Variants in LAMA2 observed in about 807,000 individuals in gnomAD.
The protein encoded by LAMA2 is laminin subunit alpha-2.
In LAMA2, 269 loss-of-function variants were observed where a neutral mutation model predicts 364.8. That is an observed-to-expected ratio of 0.74 (90% CI 0.67 to 0.82). The LOEUF (loss-of-function observed/expected upper bound fraction) is 0.82. Among genes scored for constraint, LAMA2 ranks in the 40% least tolerant of loss-of-function variants. The pLI is 0.00. For synonymous variants in LAMA2, 1,379 were observed against 1,370.6 expected, an observed-to-expected ratio of 1.01 and a Z score of -0.14; for missense variants, 3,807 against 3,873.2, an observed-to-expected ratio of 0.98 and a Z score of 0.45.
chr6:129,035,800 T>C (rs1786602203), intron 1 of LAMA2, among the ~76,000 whole-genome samples: 1 of 152,116 alleles, frequency 6.6e-6, no homozygotes, highest in Admixed American at 6.6e-5. Context: ...AATATGGATT[T>C]ATTTTTGCAT....
intron 4 of LAMA2, 95 bp downstream of exon 4, chr6:129,098,510 A>C: frequency 7.1e-7 from 1 of 1,407,828 alleles, no homozygotes; most frequent in South Asian, 1.2e-5. Flanking sequence ...TGTCAGGGAG[A>C]TTTTAAAATA....
intron 11 of LAMA2, 35 bp downstream of exon 11, chr6:129,190,380 C>A (rs1432217672): frequency 6.2e-7 from 1 of 1,605,636 alleles, no homozygotes; most frequent in South Asian, 1.1e-5. Context: ...TTTGCTGCCC[C>A]AGCAGCCTTC....
chr6:128,934,863 ACT>A (rs1779715451), intron 1 of LAMA2, among the ~76,000 whole-genome samples: 1 of 151,854 alleles, frequency 6.6e-6, no homozygotes, highest in South Asian at 2.1e-4. Flanking sequence ...GACTGCATTG[ACT>A]CTGTAGATCA....
chr6:128,969,764 A>C (rs1337681759), intron 1 of LAMA2, among the ~76,000 whole-genome samples: 1 of 152,172 alleles, frequency 6.6e-6, no homozygotes, highest in African/African-American at 2.4e-5. Context: ...AGAAGTTACA[A>C]TAAAAATGCT....
At chr6:129,454,823 T>C (rs146798932) in intron 47 of LAMA2, among the ~76,000 whole-genome samples, 1 of 152,174 alleles carries the variant, frequency 6.6e-6, no homozygotes, top group Admixed American at 6.6e-5. Flanking sequence ...TCTAGTACCA[T>C]ATAGATTACT....
chr6:129,088,549 G>A lies in LAMA2; in HGVS notation c.397-9624G>A, dbSNP rs571012144. Among the ~76,000 whole-genome samples the A allele has an allele frequency of 5.3e-5, 8 of 151,526 alleles. No homozygotes were observed. In the South Asian group the frequency reaches 6.3e-4, roughly 12 times the overall value. The stretch of plus-strand genomic sequence containing the variant: ...GCTGCCCCCTACCTCCCTCCTGGAC[G>A]GGGCGGCTGGCAGGGTGGGGGCTGC... On this transcript the variant is annotated intron_variant, in intron 3 of 64. Coordinates refer to ENST00000421865, the MANE Select transcript of LAMA2 (RefSeq NM_000426.4).
At chr6:129,495,971 G>T (rs1785160740) in intron 58 of LAMA2, among the ~76,000 whole-genome samples, 2 of 152,144 alleles carry the variant, frequency 1.3e-5, no homozygotes, top group Admixed American at 6.5e-5. Context: ...TGCCAAATTG[G>T]TTGGTTTAGA....
intron 3 of LAMA2, among the ~76,000 whole-genome samples, chr6:129,082,584 G>A (rs1195023275): frequency 1.3e-5 from 2 of 152,160 alleles, no homozygotes; most frequent in African/African-American, 4.8e-5. Flanking sequence ...ATTCTGAACT[G>A]TAACAAAATG....
intron 40 of LAMA2, among the ~76,000 whole-genome samples, chr6:129,423,197 C>G (rs942472290): frequency 6.6e-6 from 1 of 151,676 alleles, no homozygotes; most frequent in South Asian, 2.1e-4. Context: ...CTATAAAAAC[C>G]TATTTTTTAA....
intron 4 of LAMA2, among the ~76,000 whole-genome samples, chr6:129,121,312 A>T (rs552034186): frequency 2.2e-4 from 33 of 152,286 alleles, no homozygotes; most frequent in Admixed American, 7.2e-4. Flanking sequence ...ATTTAAAAAA[A>T]TTTTTTGAGG....
chr6:129,445,107 A>T (rs1362861907), intron 44 of LAMA2, among the ~76,000 whole-genome samples: 1 of 152,250 alleles, frequency 6.6e-6, no homozygotes, highest in East Asian at 1.9e-4. Flanking sequence ...ATTGAACTGC[A>T]CCATGAAAGA....
At chr6:129,090,931 C>T (rs1210313224) in intron 3 of LAMA2, among the ~76,000 whole-genome samples, 1 of 152,082 alleles carries the variant, frequency 6.6e-6, no homozygotes, top group African/African-American at 2.4e-5. Context: ...CTGTAGCATC[C>T]TGTGTACTAT....
At chr6:128,982,332 A>C (rs926320520) in intron 1 of LAMA2, among the ~76,000 whole-genome samples, 1 of 152,186 alleles carries the variant, frequency 6.6e-6, no homozygotes, top group African/African-American at 2.4e-5. Flanking sequence ...CTGTGTATCT[A>C]TAGCCAACAG....
chr6:128,978,046 A>G (rs995593611), intron 1 of LAMA2, among the ~76,000 whole-genome samples: 2 of 152,238 alleles, frequency 1.3e-5, no homozygotes, highest in South Asian at 4.1e-4. Context: ...GATTTATTGT[A>G]TAAGAGAAGA....
chr6:129,060,026 G>A lies in LAMA2; in HGVS notation c.396+130G>A. 3 of 692,170 alleles carry A rather than the reference G, an allele frequency of 4.3e-6. No individual in the cohort carries two copies. In the Admixed American group the frequency reaches 6.3e-5, roughly 14 times the overall value. The allele number at this position is 692,170 out of a possible 1,614,324, so 42.9% of individuals were successfully genotyped here. A position where few individuals can be genotyped will look rare whatever the true frequency, so the allele number is the denominator to read the frequency against. On this transcript the variant is annotated intron_variant, in intron 3 of 64. Transcript: ENST00000421865. The stretch of plus-strand genomic sequence containing the variant: ...CTCTCCATTGTTTTCTTGATAAGAT[G>A]AACAAAGGGTCCTATTCATATAGCG...
At chr6:129,342,237 G>C in intron 29 of LAMA2, 106 bp from the exon 30 acceptor site, 1 of 900,790 alleles carries the variant, frequency 1.1e-6, no homozygotes, top group Non-Finnish European at 1.8e-6. Context: ...GTGTAAGAAA[G>C]TATATGTGTT....
chr6:129,232,296 T>A lies in LAMA2; in HGVS notation c.1783-17816T>A, dbSNP rs764596520. Among the ~76,000 whole-genome samples the A allele has an allele frequency of 7.9e-5, 12 of 152,170 alleles. No homozygotes were observed. The South Asian group carries it at 8.3e-4, about 10-fold the overall frequency. The stretch of plus-strand genomic sequence containing the variant: ...AGATCTCAGCTTCTTCCTGCTTAAA[T>A]GACATTACATAGATAGAAAGGTATA... On this transcript the variant is annotated intron_variant, in intron 12 of 64. Transcript: ENST00000421865.
At chr6:129,316,623 C>G (rs1171812142) in intron 27 of LAMA2, among the ~76,000 whole-genome samples, 1 of 152,164 alleles carries the variant, frequency 6.6e-6, no homozygotes, top group African/African-American at 2.4e-5. Flanking sequence ...TTGTCATTTT[C>G]CCTATGCATC....
chr6:129,181,151 T>A (rs368725543), intron 10 of LAMA2, among the ~76,000 whole-genome samples: 1 of 152,076 alleles, frequency 6.6e-6, no homozygotes, highest in African/African-American at 2.4e-5. Flanking sequence ...TATTCTCCCC[T>A]TATGTGCTGG....
Sources: gnomAD v4.1 joint callset for allele counts (sites outside exome capture counted in the v4.1 genomes callset) on GRCh38, gnomAD v4.1.1 for gene constraint, MANE v1.5 for transcripts, NCBI Gene and HGNC (gene_info 2026-07-23, HGNC 2026-07-21) for gene names.